Variants in KCND2 observed in about 807,000 individuals in gnomAD.
KCND2 encodes the protein A-type voltage-gated potassium channel KCND2.
KCND2 carries 16 observed loss-of-function variants against 54.4 expected under a neutral mutation model. The ratio of observed to expected loss-of-function variants is 0.29; its 90% CI spans 0.20 to 0.45. KCND2 has a LOEUF of 0.45. Among genes scored for constraint, KCND2 ranks in the 20% least tolerant of loss-of-function variants. The probability of loss-of-function intolerance (pLI) is 1.00; values close to 1 mark genes in which losing one functional copy is unlikely to be tolerated. For missense variants in KCND2, 486 were observed against 824.2 expected, an observed-to-expected ratio of 0.59 and a Z score of 5.02; for synonymous variants, 317 against 310.7, an observed-to-expected ratio of 1.02 and a Z score of -0.21.
At chr7:120,556,758 A>C (rs1302901643) in intron 1 of KCND2, among the ~76,000 whole-genome samples, 2 of 152,166 alleles carry the variant, frequency 1.3e-5, no homozygotes, top group Non-Finnish European at 2.9e-5. Flanking sequence ...TGTACCTGCA[A>C]ATGACCTAGA....
chr7:120,618,421 C>T (rs531838947), intron 1 of KCND2, among the ~76,000 whole-genome samples: 2 of 152,272 alleles, frequency 1.3e-5, no homozygotes, highest in South Asian at 4.1e-4. Flanking sequence ...AAAATAATGT[C>T]TCTTCAAAAA....
intron 1 of KCND2, among the ~76,000 whole-genome samples, chr7:120,712,270 TTTTTTTTTTTTG>T (rs1792550003): frequency 9.3e-5 from 9 of 96,850 alleles, no homozygotes; most frequent in Admixed American, 2.0e-4. Flanking sequence ...TTTTTTTTTT[TTTTTTTTTTTTG>T]AGATGGGGTC....
chr7:120,499,646 G>T (rs568297476), intron 1 of KCND2, among the ~76,000 whole-genome samples: 6 of 151,558 alleles, frequency 4.0e-5, no homozygotes, highest in African/African-American at 1.5e-4. Flanking sequence ...TGCTCCTGTC[G>T]TGCCTCCAAC....
chr7:120,607,447 A>G (rs1792895705), intron 1 of KCND2, among the ~76,000 whole-genome samples: 1 of 151,986 alleles, frequency 6.6e-6, no homozygotes, highest in Admixed American at 6.6e-5. Context: ...TCTCAATTTT[A>G]TTTTCTGGTA....
intron 1 of KCND2, among the ~76,000 whole-genome samples, chr7:120,549,762 T>A (rs1792084221): frequency 6.6e-6 from 1 of 152,106 alleles, no homozygotes; most frequent in Non-Finnish European, 1.5e-5. Flanking sequence ...ACCGATTAGA[T>A]CCCATTAGCA....
intron 1 of KCND2, among the ~76,000 whole-genome samples, chr7:120,348,554 A>T (rs2116378674): frequency 6.6e-6 from 1 of 152,340 alleles, no homozygotes; most frequent in African/African-American, 2.4e-5. Context: ...CATGCAACAT[A>T]GCTAAGCAAT....
intron 1 of KCND2, among the ~76,000 whole-genome samples, chr7:120,620,955 T>C (rs1220085600): frequency 9.2e-5 from 14 of 152,034 alleles, no homozygotes; most frequent in Non-Finnish European, 1.8e-4. Context: ...AACCAGAATA[T>C]AGTCACATGA....
At chr7:120,491,612 T>C (rs1802780782) in intron 1 of KCND2, among the ~76,000 whole-genome samples, 1 of 152,218 alleles carries the variant, frequency 6.6e-6, no homozygotes, top group East Asian at 1.9e-4. Context: ...CATATCTAAG[T>C]ATTAAAGGCA....
chr7:120,731,030 C>T (rs1186703728), intron 1 of KCND2, among the ~76,000 whole-genome samples: 1 of 152,134 alleles, frequency 6.6e-6, no homozygotes, highest in Admixed American at 6.6e-5. Flanking sequence ...AGTTGGAGCT[C>T]AGACACAGCT....
At chr7:120,374,578 A>G (rs912781818) in intron 1 of KCND2, among the ~76,000 whole-genome samples, 22 of 151,768 alleles carry the variant, frequency 1.4e-4, no homozygotes, top group Non-Finnish European at 4.4e-5. Context: ...AAGCGTCTTA[A>G]TATATACTTT....
At chr7:120,498,815 G>A (rs1024683385) in intron 1 of KCND2, among the ~76,000 whole-genome samples, 2 of 151,670 alleles carry the variant, frequency 1.3e-5, no homozygotes, top group Non-Finnish European at 2.9e-5. Flanking sequence ...AAAATAAAAG[G>A]CACTGTGGAA....
At chr7:120,643,142 G>A (rs1793398558) in intron 1 of KCND2, among the ~76,000 whole-genome samples, 1 of 152,132 alleles carries the variant, frequency 6.6e-6, no homozygotes, top group African/African-American at 2.4e-5. Context: ...AGAATAAGGT[G>A]CTATTTTTCT....
chr7:120,442,776 G>T (rs1190265454), intron 1 of KCND2, among the ~76,000 whole-genome samples: 1 of 152,120 alleles, frequency 6.6e-6, no homozygotes, highest in Non-Finnish European at 1.5e-5. Context: ...GGTGGCCAGT[G>T]TGGTTGGCAT....
At chr7:120,514,821 G>T (rs1803172499) in intron 1 of KCND2, among the ~76,000 whole-genome samples, 2 of 151,868 alleles carry the variant, frequency 1.3e-5, no homozygotes, top group South Asian at 4.2e-4. Context: ...TCACTATAGG[G>T]TTCATGCTCC....
chr7:120,740,765 A>T (rs1003784588), intron 2 of KCND2: 2 of 435,280 alleles, frequency 4.6e-6, no homozygotes, highest in African/African-American at 4.1e-5. Context: ...AAAATGAAAA[A>T]CAATGTTTAA....
chr7:120,527,858 A>C (rs912535757), intron 1 of KCND2, among the ~76,000 whole-genome samples: 2 of 152,126 alleles, frequency 1.3e-5, no homozygotes, highest in Non-Finnish European at 2.9e-5. Context: ...AAATGGACGA[A>C]TGTATACATA....
intron 1 of KCND2, among the ~76,000 whole-genome samples, chr7:120,711,716 T>C (rs987043469): frequency 6.6e-5 from 10 of 152,196 alleles, no homozygotes; most frequent in African/African-American, 9.6e-5. Context: ...CAGGTTTAGT[T>C]GATAAAATAT....
At chr7:120,561,830 G>A (rs1465569297) in intron 1 of KCND2, among the ~76,000 whole-genome samples, 1 of 151,814 alleles carries the variant, frequency 6.6e-6, no homozygotes, top group Non-Finnish European at 1.5e-5. Flanking sequence ...CAGGCTGGCC[G>A]CGAACTCCTT....
chr7:120,545,621 TTGATC>T (rs1792033214), intron 1 of KCND2, among the ~76,000 whole-genome samples: 1 of 151,874 alleles, frequency 6.6e-6, no homozygotes, highest in African/African-American at 2.4e-5. Flanking sequence ...ATTTTTCTCA[TTGATC>T]TGATTTAAAT....
Sources: gnomAD v4.1 joint callset for allele counts (sites outside exome capture counted in the v4.1 genomes callset) on GRCh38, gnomAD v4.1.1 for gene constraint, MANE v1.5 for transcripts, NCBI Gene and HGNC (gene_info 2026-07-23, HGNC 2026-07-21) for gene names.